The following SKI variants were observed in gnomAD, a reference collection of about 807,000 sequenced individuals.
SKI encodes the protein ski oncogene.
SKI carries 23 observed loss-of-function variants against 59.3 expected under a neutral mutation model. The observed-to-expected ratio is 0.39, with a 90% CI of 0.28 to 0.55. The LOEUF (loss-of-function observed/expected upper bound fraction) is 0.55. SKI is among the 20% of genes least tolerant of loss of function. The probability of loss-of-function intolerance (pLI) is 0.67; values close to 1 mark genes in which losing one functional copy is unlikely to be tolerated. For synonymous variants in SKI, 673 were observed against 488.6 expected (o/e 1.38, Z -4.98); for missense variants, 1,017 against 1,038.9 (o/e 0.98, Z 0.29).
rs771006137 is a variant in SKI at position 2,304,132 on chromosome 1, C to G, written c.1474+30C>G. The G allele has an allele frequency of 3.7e-6, 6 of 1,609,894 alleles. No homozygotes were observed. In the East Asian group the frequency reaches 1.3e-4, roughly 36 times the overall value. ...GTGTGAGTCGCTTTCTGTGCCTCCT[C>G]CCTGTGGGCTGTGGGGGTGGCACTG... On this transcript the variant is annotated intron_variant, in intron 4 of 6. Transcript: ENST00000378536.
At chr1:2,276,049 A>G (rs568051337) in intron 1 of SKI, among the ~76,000 whole-genome samples, 5 of 152,192 alleles carry the variant, frequency 3.3e-5, no homozygotes, top group Non-Finnish European at 5.9e-5. Flanking sequence ...TGCTCTTTCA[A>G]GCTGTTCTTT....
chr1:2,298,000 C>G (rs571793149), intron 1 of SKI, among the ~76,000 whole-genome samples: 1 of 152,190 alleles, frequency 6.6e-6, no homozygotes, highest in African/African-American at 2.4e-5. Flanking sequence ...TCCATCCCCC[C>G]GCACCAGAGT....
At chr1:2,233,084 G>A (rs528687421) in intron 1 of SKI, among the ~76,000 whole-genome samples, 4 of 152,284 alleles carry the variant, frequency 2.6e-5, no homozygotes, top group South Asian at 2.1e-4. Context: ...CCTGGGACGC[G>A]GCCCCTTGTC....
chr1:2,284,324 C>T (rs569158681), intron 1 of SKI, among the ~76,000 whole-genome samples: 5 of 152,344 alleles, frequency 3.3e-5, no homozygotes, highest in South Asian at 2.1e-4. Context: ...TCTCCCACCC[C>T]GAGGCGGCCT....
At chr1:2,233,003 T>G (rs1372883741) in intron 1 of SKI, among the ~76,000 whole-genome samples, 1 of 152,216 alleles carries the variant, frequency 6.6e-6, no homozygotes, top group Non-Finnish European at 1.5e-5. Context: ...GACTACATTT[T>G]TTTGTCAGTA....
At position 2,249,220 on chromosome 1, in the gene SKI, C is replaced by T. The variant is rs531528934; in HGVS notation, c.969+19485C>T. 2.6e-5 allele frequency among the ~76,000 whole-genome samples: 4 copies of T among 152,324 alleles called. No individual in the cohort carries two copies. In the South Asian group the frequency reaches 6.2e-4, roughly 24 times the overall value. On this transcript the variant is annotated intron_variant, in intron 1 of 6. Transcript: ENST00000378536. ...TCTGACCTGGGCCTGGGCATCAGGT[C>T]CCATTGTGGTTGGGTCCACAGGGCC...
intron 1 of SKI, among the ~76,000 whole-genome samples, chr1:2,299,260 G>T (rs868083545): frequency 6.6e-6 from 1 of 152,190 alleles, no homozygotes; most frequent in Non-Finnish European, 1.5e-5. Context: ...GGGAGGGGGG[G>T]GGCCACACGG....
chr1:2,245,935 T>C (rs1638984769), intron 1 of SKI, among the ~76,000 whole-genome samples: 1 of 151,666 alleles, frequency 6.6e-6, no homozygotes, highest in Non-Finnish European at 1.5e-5. Context: ...TAGCTGGGGC[T>C]ATAGGTGTGT....
At chr1:2,264,369 A>G (rs769520177) in intron 1 of SKI, among the ~76,000 whole-genome samples, 8 of 152,028 alleles carry the variant, frequency 5.3e-5, no homozygotes, top group Non-Finnish European at 1.2e-4. Flanking sequence ...TCTGGGTTCA[A>G]GTGATTCTCA....
intron 1 of SKI, among the ~76,000 whole-genome samples, chr1:2,291,010 C>T (rs940525459): frequency 9.8e-5 from 15 of 152,344 alleles, no homozygotes; most frequent in South Asian, 6.2e-4. Context: ...GCGGCCATTA[C>T]GGGCCGCGCC....
At chr1:2,301,949 G>T (rs183991471) in intron 1 of SKI, among the ~76,000 whole-genome samples, 145 of 152,374 alleles carry the variant, frequency 9.5e-4, no homozygotes, top group African/African-American at 3.3e-3. Context: ...GGCAGTAGAG[G>T]AATGGCCCAT....
intron 1 of SKI, among the ~76,000 whole-genome samples, chr1:2,234,716 C>T (rs935736558): frequency 3.9e-5 from 6 of 152,162 alleles, no homozygotes; most frequent in East Asian, 1.9e-4. Flanking sequence ...CTAAGGATTG[C>T]GAAAGTTGAG....
chr1:2,243,747 G>A (rs750123597), intron 1 of SKI, among the ~76,000 whole-genome samples: 2 of 152,110 alleles, frequency 1.3e-5, no homozygotes, highest in Non-Finnish European at 2.9e-5. Flanking sequence ...TCTTGTAGAC[G>A]TGGCAGGTCA....
intron 1 of SKI, among the ~76,000 whole-genome samples, chr1:2,271,307 G>C (rs368174732): frequency 5.0e-4 from 76 of 152,202 alleles, no homozygotes; most frequent in African/African-American, 1.7e-3. Flanking sequence ...TCTGCTCGGT[G>C]GGGGAGCCGC....
At chr1:2,288,020 C>T (rs1471524149) in intron 1 of SKI, among the ~76,000 whole-genome samples, 1 of 151,530 alleles carries the variant, frequency 6.6e-6, no homozygotes, top group African/African-American at 2.4e-5. Context: ...CGGAGTTTCA[C>T]TCTTGTTGCC....
intron 1 of SKI, among the ~76,000 whole-genome samples, chr1:2,250,879 G>A (rs1391992221): frequency 2.6e-5 from 4 of 152,264 alleles, no homozygotes; most frequent in African/African-American, 9.6e-5. Flanking sequence ...GGTGGGTAGC[G>A]GCAGCCCCGG....
intron 1 of SKI, among the ~76,000 whole-genome samples, chr1:2,245,041 C>A (rs1557816717): frequency 6.6e-6 from 1 of 152,212 alleles, no homozygotes; most frequent in Non-Finnish European, 1.5e-5. Flanking sequence ...CGCTGCTGTT[C>A]ACCCACCTTC....
In SKI at chr1:2,303,756, C is replaced by A; in HGVS notation, c.1212-84C>A. ...CTGGGAAAGTCTTTCCTGTTTAACA[C>A]CTTCAGAGGGGGTGTGCGCCAGGAT... On this transcript the variant is annotated intron_variant, in intron 3 of 6. Coordinates refer to ENST00000378536, the MANE Select transcript of SKI (RefSeq NM_003036.4). The surrounding 1 kb of genome is among the most constrained non-coding windows in gnomAD (Gnocchi z 5.6). The A allele has an allele frequency of 7.1e-6, 11 of 1,541,498 alleles. No individual in the cohort carries two copies. Among genetic ancestry groups the A allele is most frequent in the Non-Finnish European group, 9.7e-6 (11 of 1,131,106 alleles).
chr1:2,240,663 C>A (rs540006627), intron 1 of SKI: 12 of 985,322 alleles, frequency 1.2e-5, no homozygotes, highest in Non-Finnish European at 1.4e-5. Context: ...TGGAATTCTT[C>A]GAAGTGAAGC....
Sources: allele counts gnomAD v4.1 joint callset (sites outside exome capture counted in the v4.1 genomes callset), GRCh38; gene constraint gnomAD v4.1.1; non-coding constraint Gnocchi (gnomAD v3.1); transcripts MANE v1.5; gene names NCBI Gene and HGNC (gene_info 2026-07-23, HGNC 2026-07-21).